Variants in F2 observed in about 807,000 individuals in gnomAD.
F2 encodes the protein coagulation factor II, thrombin, also known as prothrombin.
In F2, 34 loss-of-function variants were observed where a neutral mutation model predicts 81.9. The ratio of observed to expected loss-of-function variants is 0.42; its 90% CI spans 0.32 to 0.55. The LOEUF is 0.55. F2 is among the 20% of genes least tolerant of loss of function. The pLI, the probability that F2 is intolerant of heterozygous loss-of-function variation, is 0.18. For synonymous variants in F2, 296 were observed against 326.4 expected (o/e 0.91, Z 1.01); for missense variants, 630 against 833.4 (o/e 0.76, Z 3.00).
chr11:46,729,596 G>A (rs2064898137), intron 12 of F2, 35 bp downstream of exon 12: 2 of 1,599,108 alleles, frequency 1.3e-6, no homozygotes, highest in East Asian at 4.5e-5. Flanking sequence ...GGGAACAGTG[G>A]GGCCCAAGCT....
Position 46,719,503 on chromosome 11 carries a change from AG to A in F2, c.79+192del. On this transcript the variant is annotated intron_variant, in intron 1 of 13. Transcript: ENST00000311907. This position sits in a 1 kb window ranked among gnomAD's most constrained non-coding sequence, Gnocchi z 4.7. ...AATGGCTGCTTCTCTCTTCCAATATAGGGAGCAGGCTGGGGGCAAGGGGCAG... is the reference window on the plus strand; with the variant it reads ...AATGGCTGCTTCTCTCTTCCAATATAGGAGCAGGCTGGGGGCAAGGGGCAG... 1 of 937,800 alleles carries A rather than the reference AG, an allele frequency of 1.1e-6. No homozygotes were observed. Among genetic ancestry groups the A allele is most frequent in the South Asian group, 1.5e-5 (1 of 68,498 alleles). 58.1% of individuals were successfully genotyped at this position (937,800 alleles called of 1,614,324 possible).
intron 6 of F2, among the ~76,000 whole-genome samples, chr11:46,724,634 T>TA (rs1366357950): frequency 5.3e-5 from 8 of 152,076 alleles, no homozygotes; most frequent in Non-Finnish European, 1.0e-4. Context: ...CCTCAGCCTG[T>TA]AAAATCACAG....
chr11:46,725,781 C>G (rs570219010), intron 6 of F2, 78 bp from the exon 7 acceptor site: 29 of 1,489,560 alleles, frequency 1.9e-5, no homozygotes, highest in Non-Finnish European at 2.6e-5. Flanking sequence ...GCAGCAAGAC[C>G]GGGGTTCACA....
chr11:46,725,816 T>G (rs2064867831), intron 6 of F2, 43 bp from the exon 7 acceptor site: 1 of 1,602,738 alleles, frequency 6.2e-7, no homozygotes, highest in Non-Finnish European at 8.5e-7. Flanking sequence ...GGTCCATGTG[T>G]GGTCTCACTC....
rs532445027 is a variant in F2, at chr11:46,723,213, G to A, written c.350G>A (p.Arg117Gln). ...GCTGAGGGTCTGGGTACGAACTACCGAGGGCATGTGAACATCACCCGGTCA... is the reference window on the plus strand; with the variant it reads ...GCTGAGGGTCTGGGTACGAACTACCAAGGGCATGTGAACATCACCCGGTCA... ...NCAEGLGTNY[R>Q]GHVNITRSGI... The change falls in exon 5 of 14, where the codon CGA becomes CAA. Residue 117 changes from arginine (R) to glutamine (Q), a missense_variant. Transcript: ENST00000311907. The surrounding 1 kb of genome is among the most constrained non-coding windows in gnomAD (Gnocchi z 5.6). The A allele has an allele frequency of 2.2e-5, 35 of 1,614,062 alleles. No homozygotes were observed. The highest frequency in any genetic ancestry group is 4.5e-5 in the East Asian group (2 of 44,880).
chr11:46,727,197 T>C (rs1259013839), intron 9 of F2, among the ~76,000 whole-genome samples: 4 of 152,156 alleles, frequency 2.6e-5, no homozygotes, highest in Non-Finnish European at 5.9e-5. Flanking sequence ...AATTTTTGTA[T>C]TTTAAGTAGA....
chr11:46,722,964 G>A (rs950221128), intron 4 of F2, among the ~76,000 whole-genome samples: 3 of 152,228 alleles, frequency 2.0e-5, no homozygotes, highest in Admixed American at 1.3e-4. Context: ...CTGAGCACCC[G>A]ACAGTGCCTG....
At chr11:46,725,017 G>A (rs923959734) in intron 6 of F2, among the ~76,000 whole-genome samples, 2 of 146,436 alleles carry the variant, frequency 1.4e-5, no homozygotes, top group African/African-American at 2.6e-5. Context: ...TGATCCTCCC[G>A]CCTCGGCCTC....
At position 46,723,485 on chromosome 11, in the gene F2, G is replaced by T; in HGVS notation, c.526G>T (p.Val176Leu). The change falls in exon 6 of 14, where the codon GTG becomes TTG. Residue 176 changes from valine (V) to leucine (L), a missense_variant. By Grantham distance (32) the Val-to-Leu change is conservative (BLOSUM62 1). Coordinates refer to ENST00000311907, the MANE Select transcript of F2 (RefSeq NM_000506.5). This position sits in a 1 kb window ranked among gnomAD's most constrained non-coding sequence, Gnocchi z 5.6. ...CTGGTGCTACACTACAGACCCCACC[G>T]TGAGGAGGCAGGAATGCAGCATCCC... The part of the protein sequence containing the change: ...GPWCYTTDPT[V>L]RRQECSIPVC... 1 of 1,614,032 alleles carries T rather than the reference G, an allele frequency of 6.2e-7. No homozygotes were observed. The highest frequency in any genetic ancestry group is 1.1e-5 in the South Asian group (1 of 91,070).
In F2 at chr11:46,726,227, A is replaced by G. The variant is rs2064872035; in HGVS notation, c.874+54A>G. On this transcript the variant is annotated intron_variant, in intron 7 of 13. Coordinates refer to ENST00000311907, the MANE Select transcript of F2 (RefSeq NM_000506.5). The surrounding 1 kb of genome is among the most constrained non-coding windows in gnomAD (Gnocchi z 5.9). ...TGCAGGGACAAATCCTGGTGGGAAT[A>G]ACAACAGCCGCTTCTGCTTATCGAA... The G allele has an allele frequency of 6.2e-7, 1 of 1,601,150 alleles. No homozygotes were observed. The highest frequency in any genetic ancestry group is 1.3e-5 in the African/African-American group (1 of 74,952).
chr11:46,735,217 G>A (rs1414930006), intron 12 of F2, among the ~76,000 whole-genome samples: 1 of 152,038 alleles, frequency 6.6e-6, no homozygotes, highest in African/African-American at 2.4e-5. Context: ...TGAGGCAGGT[G>A]GATCATGAGG....
At chr11:46,720,593 C>T (rs200034626) in intron 3 of F2, 46 bp downstream of exon 3, 1 of 1,611,252 alleles carries the variant, frequency 6.2e-7, no homozygotes, top group African/African-American at 1.3e-5. Context: ...GCCTGGGGAC[C>T]CCAGTGAGAG....
chr11:46,719,823 C>T lies in F2; in HGVS notation c.201C>T (p.Tyr67=), dbSNP rs776998025. The change falls in exon 2 of 14, where the codon TAC becomes TAT. Residue 67 remains tyrosine, a synonymous_variant. Transcript: ENST00000311907. This position sits in a 1 kb window ranked among gnomAD's most constrained non-coding sequence, Gnocchi z 4.7. ...ERECVEETCS[Y]EEAFEALESS... ...AGTGCGTGGAGGAGACGTGCAGCTA[C>T]GAGGAGGCCTTCGAGGCTCTGGAGT... 21 of 1,587,962 alleles carry T rather than the reference C, an allele frequency of 1.3e-5. No individual in the cohort carries two copies. The highest frequency in any genetic ancestry group is 2.7e-5 in the African/African-American group (2 of 74,490).
intron 6 of F2, among the ~76,000 whole-genome samples, chr11:46,724,767 C>CTT (rs11438724): frequency 5.2e-4 from 77 of 147,394 alleles, no homozygotes; most frequent in Non-Finnish European, 6.4e-4. Context: ...TGGGGTTGGT[C>CTT]TTTTTTTTTT....
chr11:46,727,191 T>G (rs940123871), intron 9 of F2, among the ~76,000 whole-genome samples: 5 of 151,904 alleles, frequency 3.3e-5, no homozygotes, highest in Admixed American at 2.6e-4. Flanking sequence ...CCGGCTAATT[T>G]TTGTATTTTA....
intron 12 of F2, among the ~76,000 whole-genome samples, chr11:46,731,343 TGTATTTTTA>T (rs1332943217): frequency 6.5e-4 from 98 of 149,804 alleles, no homozygotes; most frequent in African/African-American, 2.4e-3. Flanking sequence ...GCTAACTTTT[TGTATTTTTA>T]GTATTTTTAG....
chr11:46,726,728 C>T lies in F2; in HGVS notation c.1021C>T (p.Leu341=). The T allele has an allele frequency of 6.2e-7, 1 of 1,614,246 alleles. No homozygotes were observed. The highest frequency in any genetic ancestry group is 1.6e-4 in the Middle Eastern group (1 of 6,062). ...SGEADCGLRP[L]FEKKSLEDKT... ...CTCTGCAGACTGTGGGCTGCGACCTCTGTTCGAGAAGAAGTCGCTGGAGGA... is the reference window on the plus strand; with the variant it reads ...CTCTGCAGACTGTGGGCTGCGACCTTTGTTCGAGAAGAAGTCGCTGGAGGA... Residue 341 remains leucine (L), a synonymous_variant, in exon 9 of 14, where the codon CTG becomes TTG. Transcript: ENST00000311907. This position sits in a 1 kb window ranked among gnomAD's most constrained non-coding sequence, Gnocchi z 5.9.
intron 6 of F2, 78 bp from the exon 7 acceptor site, chr11:46,725,781 C>T (rs570219010): frequency 1.8e-5 from 27 of 1,489,442 alleles, no homozygotes; most frequent in African/African-American, 1.1e-4. Context: ...GCAGCAAGAC[C>T]GGGGTTCACA....
chr11:46,720,154 C>T (rs1338512726), intron 2 of F2: 4 of 557,402 alleles, frequency 7.2e-6, no homozygotes, highest in Non-Finnish European at 1.3e-5. Flanking sequence ...CAGCGGCAGA[C>T]TCCCACACCA....
Sources: gnomAD v4.1 joint callset for allele counts (sites outside exome capture counted in the v4.1 genomes callset) on GRCh38, gnomAD v4.1.1 for gene constraint, Gnocchi (gnomAD v3.1) non-coding constraint, MANE v1.5 for transcripts, NCBI Gene and HGNC (gene_info 2026-07-23, HGNC 2026-07-21) for gene names.